Variants in DRC9 observed in about 807,000 individuals in gnomAD.
The protein encoded by DRC9 is dynein regulatory complex subunit 9.
chr3:197,937,281 T>G, the DRC9 span, among the ~76,000 whole-genome samples: 2 of 152,188 alleles, frequency 1.3e-5, no homozygotes, highest in Non-Finnish European at 2.9e-5. Flanking sequence ...GAATTTAGAC[T>G]GCCTTTAAGA....
the DRC9 span, chr3:197,949,674 G>C: frequency 6.2e-6 from 1 of 161,014 alleles, no homozygotes; most frequent in Non-Finnish European, 1.4e-5. Context: ...AAGTAGAGGG[G>C]AGAAAAGAAG....
chr3:197,889,976 C>T, the DRC9 span, among the ~76,000 whole-genome samples: 3 of 152,130 alleles, frequency 2.0e-5, no homozygotes, highest in African/African-American at 7.2e-5. Flanking sequence ...TTTCTTCACC[C>T]GTAGAAATCT....
the DRC9 span, chr3:197,889,126 T>G: frequency 6.2e-6 from 1 of 162,142 alleles, no homozygotes; most frequent in South Asian, 1.7e-4. Context: ...TGTGTATATA[T>G]TATGCTGGAC....
At chr3:197,950,159 A>G in the DRC9 span, 2 of 1,231,766 alleles carry the variant, frequency 1.6e-6, no homozygotes, top group Non-Finnish European at 1.0e-6. Context: ...AAGATGTTTA[A>G]TCCCACAAGG....
the DRC9 span, among the ~76,000 whole-genome samples, chr3:197,910,217 T>C: frequency 6.6e-6 from 1 of 152,064 alleles, no homozygotes; most frequent in Non-Finnish European, 1.5e-5. Context: ...GGAGGATCAC[T>C]TGGGCCCAGG....
At chr3:197,936,029 C>T in the DRC9 span, among the ~76,000 whole-genome samples, 1 of 151,900 alleles carries the variant, frequency 6.6e-6, no homozygotes, top group Non-Finnish European at 1.5e-5. Context: ...GGGCGGATCA[C>T]CTGAGGTCAG....
At chr3:197,933,992 AAAG>A in the DRC9 span, among the ~76,000 whole-genome samples, 1 of 150,536 alleles carries the variant, frequency 6.6e-6, no homozygotes, top group Non-Finnish European at 1.5e-5. Context: ...AAAAAAAAAA[AAAG>A]AAGTTTTCTT....
the DRC9 span, among the ~76,000 whole-genome samples, chr3:197,941,171 C>CCT: frequency 1.4e-5 from 2 of 145,868 alleles, no homozygotes; most frequent in African/African-American, 2.6e-5. Context: ...TCCTCTCTCT[C>CCT]CTCTCTCTCT....
the DRC9 span, chr3:197,950,327 T>A: frequency 1.2e-5 from 15 of 1,227,750 alleles, no homozygotes; most frequent in Non-Finnish European, 1.5e-5. Flanking sequence ...TGCCAGCCAT[T>A]GATTTCTACG....
the DRC9 span, among the ~76,000 whole-genome samples, chr3:197,925,469 G>C: frequency 1.3e-5 from 2 of 151,556 alleles, no homozygotes; most frequent in African/African-American, 2.4e-5. Flanking sequence ...GGTGTATGTG[G>C]TGGGATACGA....
At chr3:197,951,191 A>G in the DRC9 span, 2 of 1,614,084 alleles carry the variant, frequency 1.2e-6, no homozygotes, top group African/African-American at 1.3e-5. Flanking sequence ...GCTGGCTATA[A>G]GCGGGGTCTC....
chr3:197,950,227 T>TGAA, the DRC9 span: 2 of 1,231,068 alleles, frequency 1.6e-6, no homozygotes, highest in Non-Finnish European at 2.0e-6. Flanking sequence ...TGGAGGTGAG[T>TGAA]GAAGGGTCTG....
At chr3:197,890,860 T>C in the DRC9 span, among the ~76,000 whole-genome samples, 2 of 152,186 alleles carry the variant, frequency 1.3e-5, no homozygotes, top group South Asian at 4.1e-4. Context: ...CAAACTACAG[T>C]GTACCCACTA....
the DRC9 span, chr3:197,912,559 G>C: frequency 1.3e-6 from 1 of 762,122 alleles, no homozygotes; most frequent in East Asian, 2.5e-5. Flanking sequence ...ATGAGCTAAA[G>C]TTCATTAGGC....
the DRC9 span, among the ~76,000 whole-genome samples, chr3:197,946,421 C>A: frequency 4.4e-4 from 54 of 122,682 alleles, no homozygotes; most frequent in African/African-American, 1.9e-3. Flanking sequence ...GGCGACAGAG[C>A]GAGACTCCGT....
chr3:197,932,313 A>T, the DRC9 span: 1 of 1,605,950 alleles, frequency 6.2e-7, no homozygotes, highest in Non-Finnish European at 8.5e-7. Flanking sequence ...CTGTAAGGAG[A>T]AACAGACCAA....
the DRC9 span, chr3:197,913,739 A>G: frequency 3.3e-6 from 3 of 901,902 alleles, no homozygotes; most frequent in South Asian, 4.0e-5. Flanking sequence ...TTAGGCTTTT[A>G]TTTTCAACCT....
the DRC9 span, chr3:197,954,329 G>GT: frequency 2.8e-5 from 19 of 675,794 alleles, no homozygotes; most frequent in African/African-American, 2.7e-4. Flanking sequence ...TTGGTTGTTT[G>GT]TTTTTTGTTT....
At chr3:197,899,939 C>T in the DRC9 span, among the ~76,000 whole-genome samples, 2 of 151,442 alleles carry the variant, frequency 1.3e-5, no homozygotes, top group South Asian at 2.1e-4. Flanking sequence ...CCACACGGCA[C>T]GGGTAGGATC....
Sources: gnomAD v4.1 joint callset for allele counts (sites outside exome capture counted in the v4.1 genomes callset) on GRCh38, gnomAD v4.1.1 for gene constraint, MANE v1.5 for transcripts, NCBI Gene and HGNC (gene_info 2026-07-23, HGNC 2026-07-21) for gene names.